The following EWSR1 variants were observed in gnomAD, a reference collection of about 807,000 sequenced individuals.
The protein encoded by EWSR1 is RNA-binding protein EWS.
In EWSR1, 14 loss-of-function variants were observed where a neutral mutation model predicts 92.1. The ratio of observed to expected loss-of-function variants is 0.15; its 90% CI spans 0.10 to 0.24. The LOEUF is 0.24. Ranked by LOEUF, EWSR1 falls within the 10% of genes least tolerant of loss-of-function variation. The probability of loss-of-function intolerance (pLI) is 1.00; values close to 1 mark genes in which losing one functional copy is unlikely to be tolerated. For missense variants in EWSR1, 637 were observed against 870.9 expected (o/e 0.73, Z 3.38); for synonymous variants, 303 against 292.9 (o/e 1.03, Z -0.35).
chr22:29,296,977 G>A (rs1288352979), intron 12 of EWSR1, among the ~76,000 whole-genome samples: 4 of 152,200 alleles, frequency 2.6e-5, no homozygotes, highest in Non-Finnish European at 5.9e-5. Flanking sequence ...TGAGCCCGGA[G>A]AGTTTGAAGC....
intron 5 of EWSR1, 54 bp from the exon 6 acceptor site, chr22:29,282,336 C>G: frequency 6.9e-7 from 1 of 1,442,934 alleles, no homozygotes; most frequent in South Asian, 1.4e-5. Flanking sequence ...TTGTGGTTGA[C>G]CAACCACACA....
In EWSR1 at chr22:29,286,973, A is replaced by G; in HGVS notation, c.632A>G (p.Gln211Arg). 1 of 1,613,650 alleles carries G rather than the reference A, an allele frequency of 6.2e-7. No individual in the cohort carries two copies. Among genetic ancestry groups the G allele is most frequent in the Non-Finnish European group, 8.5e-7 (1 of 1,179,814 alleles). The stretch of plus-strand genomic sequence containing the variant: ...TATGATCAGAGCAGTTACTCTCAGC[A>G]GAACACCTATGGGCAACCGAGCAGC... ...TSYDQSSYSQ[Q>R]NTYGQPSSYG... Residue 211 changes from glutamine (Q) to arginine (R), a missense_variant, in exon 7 of 17, where the codon CAG (glutamine) becomes CGG (arginine). By Grantham distance (43) the Gln-to-Arg change is conservative (BLOSUM62 1). Coordinates refer to ENST00000397938, the MANE Select transcript of EWSR1 (RefSeq NM_005243.4).
intron 3 of EWSR1, among the ~76,000 whole-genome samples, chr22:29,272,744 A>G (rs1390965764): frequency 6.6e-6 from 1 of 152,232 alleles, no homozygotes; most frequent in Non-Finnish European, 1.5e-5. Context: ...CAATTCTGCA[A>G]AGGAAGAGGA....
intron 4 of EWSR1, chr22:29,277,310 A>G (rs2059197332): frequency 4.4e-6 from 1 of 227,292 alleles, no homozygotes; most frequent in East Asian, 6.3e-5. Context: ...ATAACGAGGC[A>G]GGAATCTGCT....
chr22:29,296,789 C>G (rs2060894705), intron 12 of EWSR1, among the ~76,000 whole-genome samples: 4 of 152,130 alleles, frequency 2.6e-5, no homozygotes, highest in Admixed American at 2.0e-4. Context: ...ACCTGTAATC[C>G]CAGCACTTTG....
At chr22:29,281,672 C>G (rs913090714) in intron 5 of EWSR1, among the ~76,000 whole-genome samples, 1 of 152,118 alleles carries the variant, frequency 6.6e-6, no homozygotes, top group Non-Finnish European at 1.5e-5. Context: ...GCTCCGCCTC[C>G]TGGGTTCACG....
chr22:29,283,653 G>C (rs1462995092), intron 6 of EWSR1, among the ~76,000 whole-genome samples: 3 of 150,704 alleles, frequency 2.0e-5, no homozygotes. Context: ...AGCCTCCTGA[G>C]TAGCTGGGAT....
At chr22:29,281,761 A>G (rs949195968) in intron 5 of EWSR1, among the ~76,000 whole-genome samples, 12 of 149,746 alleles carry the variant, frequency 8.0e-5, no homozygotes, top group Middle Eastern at 6.8e-3. Flanking sequence ...TTTTTTTTGT[A>G]TTTTTAGTAG....
At chr22:29,268,540 A>G (rs938461784) in intron 1 of EWSR1, among the ~76,000 whole-genome samples, 191 bp downstream of exon 1, 1 of 152,114 alleles carries the variant, frequency 6.6e-6, no homozygotes, top group African/African-American at 2.4e-5. Flanking sequence ...CGGTTCTGGA[A>G]TCTTCCGGCG....
In EWSR1 at chr22:29,274,435, A is replaced by G. The variant is rs968080390; in HGVS notation, c.226+571A>G. The G allele has an allele frequency of 1.7e-5, 13 of 749,516 alleles. No homozygotes were observed. In the Admixed American group the frequency reaches 2.6e-4, roughly 15 times the overall value. The allele number at this position is 749,516 out of a possible 1,614,324, so 46.4% of individuals were successfully genotyped here. A position where few individuals can be genotyped will look rare whatever the true frequency, so the allele number is the denominator to read the frequency against. The stretch of plus-strand genomic sequence containing the variant: ...CTAATGAAAAACTGCTTCAGGTGCC[A>G]TTTGCAGATCCATGTCCTATTCTTT... On this transcript the variant is annotated intron_variant, in intron 4 of 16. Transcript: ENST00000397938.
At chr22:29,274,519 A>G in intron 4 of EWSR1, 1 of 496,088 alleles carries the variant, frequency 2.0e-6, no homozygotes, top group Non-Finnish European at 3.6e-6. Flanking sequence ...CCTTAATAAT[A>G]GTTATTTACC....
chr22:29,296,470 C>T, intron 12 of EWSR1, 102 bp downstream of exon 12: 2 of 1,428,840 alleles, frequency 1.4e-6, no homozygotes, highest in Non-Finnish European at 1.9e-6. Flanking sequence ...CCATCTCTTC[C>T]TGGGGGAGGT....
At chr22:29,292,689 G>C in intron 11 of EWSR1, 83 bp downstream of exon 11, 1 of 797,162 alleles carries the variant, frequency 1.3e-6, no homozygotes, top group Non-Finnish European at 2.0e-6. Flanking sequence ...GTTGAGAGTT[G>C]TTTTCTAAGG....
intron 3 of EWSR1, among the ~76,000 whole-genome samples, chr22:29,272,842 C>T (rs1036584324): frequency 6.6e-6 from 1 of 152,162 alleles, no homozygotes; most frequent in African/African-American, 2.4e-5. Context: ...GCGGGGTTAG[C>T]TCTAAAAACT....
intron 1 of EWSR1, among the ~76,000 whole-genome samples, chr22:29,269,995 C>T (rs1486950936): frequency 6.6e-6 from 1 of 152,212 alleles, no homozygotes; most frequent in Non-Finnish European, 1.5e-5. Flanking sequence ...CAGAGAGTCA[C>T]ATAAGTAATC....
At chr22:29,279,086 G>T (rs11913870) in intron 5 of EWSR1, among the ~76,000 whole-genome samples, 1 of 152,116 alleles carries the variant, frequency 6.6e-6, no homozygotes, top group African/African-American at 2.4e-5. Context: ...ACCTTTTAGG[G>T]TAGGAGAAGG....
At chr22:29,287,585 T>C (rs1263008474) in intron 7 of EWSR1, among the ~76,000 whole-genome samples, 4 of 152,182 alleles carry the variant, frequency 2.6e-5, no homozygotes, top group Non-Finnish European at 5.9e-5. Context: ...CTTTAGGGCA[T>C]GGCATTCCAG....
At chr22:29,268,812 G>A (rs1452786984) in intron 1 of EWSR1, among the ~76,000 whole-genome samples, 2 of 152,244 alleles carry the variant, frequency 1.3e-5, no homozygotes, top group African/African-American at 4.8e-5. Flanking sequence ...AGGGGAAAAA[G>A]CAAATAAAGA....
At position 29,300,186 on chromosome 22, in the gene EWSR1, T is replaced by C. The variant is rs368593909; in HGVS notation, c.*25T>C. The C allele has an allele frequency of 1.7e-5, 28 of 1,603,470 alleles. No homozygotes were observed. The highest frequency in any genetic ancestry group is 2.2e-5 in the Non-Finnish European group (26 of 1,175,566). Reference sequence around the variant, plus strand: ...GATGCAGAGACCCCGCAGAGCTGCATTGACTACCAGATTTATTTTTTAAAC... The same window carrying C: ...GATGCAGAGACCCCGCAGAGCTGCACTGACTACCAGATTTATTTTTTAAAC... On this transcript the variant is annotated 3_prime_UTR_variant, in exon 17 of 17. Transcript: ENST00000397938.
Sources: allele counts gnomAD v4.1 joint callset (sites outside exome capture counted in the v4.1 genomes callset), GRCh38; gene constraint gnomAD v4.1.1; transcripts MANE v1.5; gene names NCBI Gene and HGNC (gene_info 2026-07-23, HGNC 2026-07-21).